The following VPS13B variants were observed in gnomAD, a reference collection of about 807,000 sequenced individuals.
The protein encoded by VPS13B is vacuolar protein sorting 13 homolog B, also known as intermembrane lipid transfer protein VPS13B.
A neutral mutation model predicts 426.4 loss-of-function variants in VPS13B; 285 were observed. That is an observed-to-expected ratio of 0.67 (90% CI 0.61 to 0.74). VPS13B has a LOEUF of 0.74. Among genes scored for constraint, VPS13B ranks in the 30% least tolerant of loss-of-function variants. The pLI is 0.00. For synonymous variants in VPS13B, 1,676 were observed against 1,676.4 expected, an observed-to-expected ratio of 1.00 and a Z score of 0.01; for missense variants, 4,537 against 4,782.6, an observed-to-expected ratio of 0.95 and a Z score of 1.51.
At chr8:99,017,967 CT>C (rs1443843104) in intron 2 of VPS13B, among the ~76,000 whole-genome samples, 1 of 152,076 alleles carries the variant, frequency 6.6e-6, no homozygotes, top group Non-Finnish European at 1.5e-5. Context: ...CAGAGCATTG[CT>C]TTTCATATTT....
intron 3 of VPS13B, among the ~76,000 whole-genome samples, chr8:99,080,274 A>AT (rs1278012330): frequency 6.6e-6 from 1 of 150,966 alleles, no homozygotes; most frequent in Non-Finnish European, 1.5e-5. Flanking sequence ...TGGTTTTTGT[A>AT]TTTTTCTTGC....
intron 19 of VPS13B, among the ~76,000 whole-genome samples, chr8:99,338,526 G>A (rs1000044943): frequency 6.6e-6 from 1 of 151,980 alleles, no homozygotes; most frequent in Non-Finnish European, 1.5e-5. Context: ...TCTAAGAATT[G>A]ACAGTTTTGA....
chr8:99,441,254 A>G (rs1164391571), intron 22 of VPS13B, among the ~76,000 whole-genome samples: 1 of 152,126 alleles, frequency 6.6e-6, no homozygotes, highest in African/African-American at 2.4e-5. Context: ...TTGTTTATTT[A>G]TAGGTTGACA....
At chr8:99,519,557 G>T (rs1822262332) in intron 29 of VPS13B, among the ~76,000 whole-genome samples, 1 of 152,166 alleles carries the variant, frequency 6.6e-6, no homozygotes. Context: ...CAACCCAAAT[G>T]TCCATCATTG....
rs751890954 is a variant in VPS13B at position 99,391,728 on chromosome 8, G to T, written c.3082+24G>T. On this transcript the variant is annotated intron_variant, in intron 21 of 61. Transcript: ENST00000357162. Reference sequence around the variant, plus strand: ...AGGTATGTGTCAAGTACTGTAAAGGGACTATGATTGTACTCTACTTCTAAG... The same window carrying T: ...AGGTATGTGTCAAGTACTGTAAAGGTACTATGATTGTACTCTACTTCTAAG... 13 of 1,612,056 alleles carry T rather than the reference G, an allele frequency of 8.1e-6. No individual in the cohort carries two copies. The East Asian group carries it at 1.8e-4, about 22-fold the overall frequency.
chr8:99,209,579 T>TC, intron 17 of VPS13B: 1 of 283,176 alleles, frequency 3.5e-6, no homozygotes, highest in Non-Finnish European at 6.8e-6. Flanking sequence ...TTTTTTTTTT[T>TC]TTTACTTTGT....
intron 17 of VPS13B, among the ~76,000 whole-genome samples, chr8:99,270,849 A>G (rs896316744): frequency 1.4e-4 from 22 of 152,278 alleles, no homozygotes; most frequent in African/African-American, 5.1e-4. Flanking sequence ...TAACATAGTG[A>G]TTGGAACAGG....
At chr8:99,545,521 C>CGT (rs1823922298) in intron 30 of VPS13B, among the ~76,000 whole-genome samples, 2 of 152,108 alleles carry the variant, frequency 1.3e-5, no homozygotes, top group Admixed American at 1.3e-4. Context: ...GAGACATATA[C>CGT]AGCTGGTAGC....
At position 99,805,592 on chromosome 8, in the gene VPS13B, G is replaced by GA. The variant is rs1037849195; in HGVS notation, c.7942-3775dup. Among the ~76,000 whole-genome samples, 10 of 151,826 alleles carry GA rather than the reference G, an allele frequency of 6.6e-5. No individual in the cohort carries two copies. In the South Asian group the frequency reaches 8.3e-4, roughly 13 times the overall value. On this transcript the variant is annotated intron_variant, in intron 43 of 61. Coordinates refer to ENST00000357162, the MANE Select transcript of VPS13B (RefSeq NM_152564.5). ...TCTGTTTTAAGTTTTATTTTGTATA[G>GA]AAAAAAAATGAGTTGAAAACTGTAT...
At chr8:99,060,613 A>AG (rs1844130015) in intron 3 of VPS13B, among the ~76,000 whole-genome samples, 1 of 68,654 alleles carries the variant, frequency 1.5e-5, no homozygotes, top group African/African-American at 4.6e-5. Context: ...CATCTCAAAA[A>AG]CAAAAAAAAA....
intron 17 of VPS13B, among the ~76,000 whole-genome samples, chr8:99,207,677 A>G (rs1185107289): frequency 6.6e-6 from 1 of 152,216 alleles, no homozygotes; most frequent in Non-Finnish European, 1.5e-5. Flanking sequence ...TGTTGATAAT[A>G]AAATATTAAT....
chr8:99,742,185 T>C (rs1011472909), intron 39 of VPS13B, among the ~76,000 whole-genome samples: 1 of 152,176 alleles, frequency 6.6e-6, no homozygotes, highest in African/African-American at 2.4e-5. Flanking sequence ...CATCAGAGAA[T>C]ACTATAAACA....
rs1177379659 is a variant in VPS13B, at chr8:99,358,362, T to TC, written c.2825-25843dup. The stretch of plus-strand genomic sequence containing the variant: ...TATTTAATTATAATTTGTACCAGTG[T>TC]CCCACTATTCATTGGTAAAGGAGTC... On this transcript the variant is annotated intron_variant, in intron 19 of 61. Coordinates refer to ENST00000357162, the MANE Select transcript of VPS13B (RefSeq NM_152564.5). 2.6e-5 allele frequency among the ~76,000 whole-genome samples: 4 copies of TC among 152,320 alleles called. No homozygotes were observed. In the East Asian group the frequency reaches 7.7e-4, roughly 29 times the overall value.
At chr8:99,267,881 C>G (rs756261340) in intron 17 of VPS13B, among the ~76,000 whole-genome samples, 1 of 152,060 alleles carries the variant, frequency 6.6e-6, no homozygotes, top group Non-Finnish European at 1.5e-5. Flanking sequence ...TCATGAGAGT[C>G]CTTCCCATCA....
chr8:99,503,529 C>A (rs117094000), intron 27 of VPS13B, among the ~76,000 whole-genome samples: 2,248 of 152,306 alleles, frequency 0.015, 23 homozygotes, highest in Non-Finnish European at 0.02. Flanking sequence ...TCAGTCCTCT[C>A]AAACTTTGCT....
At chr8:99,261,739 G>T (rs1457925907) in intron 17 of VPS13B, among the ~76,000 whole-genome samples, 1 of 152,094 alleles carries the variant, frequency 6.6e-6, no homozygotes, top group East Asian at 1.9e-4. Flanking sequence ...TTGTCATTGA[G>T]GTTAATTCTT....
chr8:99,568,170 G>A (rs529315847), intron 31 of VPS13B, among the ~76,000 whole-genome samples: 3 of 151,994 alleles, frequency 2.0e-5, no homozygotes, highest in East Asian at 3.9e-4. Flanking sequence ...ATAATGAACG[G>A]TTTTGTAAGT....
intron 33 of VPS13B, among the ~76,000 whole-genome samples, chr8:99,610,475 A>T (rs558665791): frequency 2.0e-5 from 3 of 152,272 alleles, no homozygotes; most frequent in African/African-American, 7.2e-5. Context: ...TTCTCAGCAA[A>T]CTAACACAGG....
chr8:99,827,452 TTC>T (rs1244058876), intron 51 of VPS13B, among the ~76,000 whole-genome samples: 4 of 151,996 alleles, frequency 2.6e-5, no homozygotes, highest in Non-Finnish European at 5.9e-5. Flanking sequence ...TGTTTGAGTC[TTC>T]TCTCTTTTCT....
Sources: gnomAD v4.1 joint callset for allele counts (sites outside exome capture counted in the v4.1 genomes callset) on GRCh38, gnomAD v4.1.1 for gene constraint, MANE v1.5 for transcripts, NCBI Gene and HGNC (gene_info 2026-07-23, HGNC 2026-07-21) for gene names.